PDZD8: variants seen among roughly 807,000 people sequenced by gnomAD.
PDZD8 encodes PDZ domain-containing protein 8.
PDZD8 carries 14 observed loss-of-function variants against 85.8 expected under a neutral mutation model. The observed-to-expected ratio is 0.16, with a 90% CI of 0.11 to 0.26. PDZD8 has a LOEUF of 0.26. Among genes scored for constraint, PDZD8 ranks in the 10% least tolerant of loss-of-function variants. The pLI, the probability that PDZD8 is intolerant of heterozygous loss-of-function variation, is 1.00. For synonymous variants in PDZD8, 592 were observed against 568.6 expected, an observed-to-expected ratio of 1.04 and a Z score of -0.59; for missense variants, 1,197 against 1,424.3, an observed-to-expected ratio of 0.84 and a Z score of 2.57.
intron 2 of PDZD8, among the ~76,000 whole-genome samples, chr10:117,325,187 C>T (rs760624013): frequency 1.4e-4 from 22 of 151,988 alleles, no homozygotes; most frequent in African/African-American, 3.6e-4. Flanking sequence ...ACAGCCCAGC[C>T]GGTGGTCTTA....
chr10:117,301,689 G>A (rs1341378006), intron 3 of PDZD8, among the ~76,000 whole-genome samples: 2 of 152,170 alleles, frequency 1.3e-5, no homozygotes, highest in Non-Finnish European at 2.9e-5. Context: ...ATTAGAGGCA[G>A]CAAGAAGGCT....
Position 117,290,171 on chromosome 10 carries a change from T to A in PDZD8, c.1261+15A>T. 1.2e-6 allele frequency: 2 copies of A among 1,609,538 alleles called. No individual in the cohort carries two copies. Among genetic ancestry groups the A allele is most frequent in the Non-Finnish European group, 1.7e-6 (2 of 1,177,864 alleles). ...ATCTGTAAAGGTAAAGTATAATGCATATTAGCATAATTACCTCCAATGGCG... is the reference window on the plus strand; with the variant it reads ...ATCTGTAAAGGTAAAGTATAATGCAAATTAGCATAATTACCTCCAATGGCG... On this transcript the variant is annotated intron_variant, in intron 4 of 4. Coordinates refer to ENST00000334464, the MANE Select transcript of PDZD8 (RefSeq NM_173791.5).
At chr10:117,321,033 T>C (rs1370932285) in intron 2 of PDZD8, among the ~76,000 whole-genome samples, 1 of 152,146 alleles carries the variant, frequency 6.6e-6, no homozygotes, top group Non-Finnish European at 1.5e-5. Context: ...AGAATGCTCA[T>C]ACATCGCTGA....
chr10:117,367,493 G>C (rs1208650660), intron 1 of PDZD8, among the ~76,000 whole-genome samples: 1 of 152,170 alleles, frequency 6.6e-6, no homozygotes, highest in Non-Finnish European at 1.5e-5. Context: ...CAAATTTCTA[G>C]AGCAAAGATG....
rs1565012771 is a variant in PDZD8, at chr10:117,279,655, A to G, written c.*3613T>C. Reference sequence around the variant, plus strand: ...CATTCAATGTGGAAAAAAACCAGGAAGTTATCCTTCCATCTATAAACATTG... The same window carrying G: ...CATTCAATGTGGAAAAAAACCAGGAGGTTATCCTTCCATCTATAAACATTG... On this transcript the variant is annotated 3_prime_UTR_variant, in exon 5 of 5. Transcript: ENST00000334464. 1 of 152,232 alleles carries G rather than the reference A, an allele frequency of 6.6e-6. No individual in the cohort carries two copies. The highest frequency in any genetic ancestry group is 1.5e-5 in the Non-Finnish European group (1 of 68,040). 9.4% of individuals were successfully genotyped at this position (152,232 alleles called of 1,614,324 possible).
intron 3 of PDZD8, among the ~76,000 whole-genome samples, chr10:117,299,333 G>A (rs1475180575): frequency 6.6e-6 from 1 of 152,120 alleles, no homozygotes; most frequent in Non-Finnish European, 1.5e-5. Flanking sequence ...GGTATTCTTT[G>A]AACTTCTTGT....
intron 3 of PDZD8, among the ~76,000 whole-genome samples, chr10:117,299,600 G>T (rs944605584): frequency 6.6e-6 from 1 of 152,002 alleles, no homozygotes; most frequent in Non-Finnish European, 1.5e-5. Context: ...ACTTATTGTA[G>T]TCTGTTGTTG....
chr10:117,347,275 G>C (rs1451972740), intron 1 of PDZD8, among the ~76,000 whole-genome samples: 2 of 152,100 alleles, frequency 1.3e-5, no homozygotes, highest in Non-Finnish European at 2.9e-5. Flanking sequence ...CTACCTGAAG[G>C]CTTCCTCTGT....
chr10:117,356,796 G>A (rs1844902654), intron 1 of PDZD8, among the ~76,000 whole-genome samples: 1 of 152,088 alleles, frequency 6.6e-6, no homozygotes, highest in African/African-American at 2.4e-5. Flanking sequence ...TATAAGTCCG[G>A]GGTAATTACT....
At chr10:117,298,475 G>A (rs180826661) in intron 3 of PDZD8, among the ~76,000 whole-genome samples, 44 of 152,170 alleles carry the variant, frequency 2.9e-4, no homozygotes, top group African/African-American at 1.0e-3. Flanking sequence ...TACAGGCAAG[G>A]AGGCTACTCA....
At position 117,285,316 on chromosome 10, in the gene PDZD8, A is replaced by T. The variant is rs1242174294; in HGVS notation, c.1417T>A (p.Ser473Thr). 2 of 1,613,948 alleles carry T rather than the reference A, an allele frequency of 1.2e-6. No homozygotes were observed. The highest frequency in any genetic ancestry group is 1.7e-6 in the Non-Finnish European group (2 of 1,180,020). The change falls in exon 5 of 5, where the codon TCA becomes ACA. Residue 473 changes from serine to threonine, a missense_variant. Physicochemically the swap from Ser to Thr is moderately conservative, Grantham distance 58 (BLOSUM62 1). Transcript: ENST00000334464. ...TCCTCTTCATAACCCGATTGGCATGAGCTTGACAAAAAGTTTTCTTCCAAC... is the reference window on the plus strand; with the variant it reads ...TCCTCTTCATAACCCGATTGGCATGTGCTTGACAAAAAGTTTTCTTCCAAC... Reference protein sequence around the residue: ...GQLEENFLSSSCQSGYEEEAA... With the variant: ...GQLEENFLSSTCQSGYEEEAA...
chr10:117,348,030 C>T (rs1369143565), intron 1 of PDZD8, among the ~76,000 whole-genome samples: 5 of 152,090 alleles, frequency 3.3e-5, no homozygotes, highest in South Asian at 2.1e-4. Flanking sequence ...ACTGTGGTGA[C>T]GGTTGCACAT....
At chr10:117,363,848 A>C (rs1845038952) in intron 1 of PDZD8, among the ~76,000 whole-genome samples, 1 of 152,188 alleles carries the variant, frequency 6.6e-6, no homozygotes, top group Admixed American at 6.5e-5. Flanking sequence ...TAAATACTCA[A>C]TGTGCTGATT....
intron 1 of PDZD8, among the ~76,000 whole-genome samples, chr10:117,370,251 A>G (rs1283207291): frequency 1.3e-5 from 2 of 152,344 alleles, no homozygotes; most frequent in Non-Finnish European, 2.9e-5. Flanking sequence ...ATGTTTTACA[A>G]ACATTGTAAG....
At chr10:117,368,409 A>G (rs1207361233) in intron 1 of PDZD8, among the ~76,000 whole-genome samples, 1 of 152,234 alleles carries the variant, frequency 6.6e-6, no homozygotes, top group Non-Finnish European at 1.5e-5. Flanking sequence ...TAGATTTCCT[A>G]TCAACATTAG....
intron 1 of PDZD8, among the ~76,000 whole-genome samples, chr10:117,370,662 T>C (rs563688841): frequency 9.2e-5 from 14 of 152,102 alleles, no homozygotes; most frequent in Non-Finnish European, 1.9e-4. Flanking sequence ...GCCAACATGG[T>C]GAAACCTGTC....
intron 3 of PDZD8, among the ~76,000 whole-genome samples, chr10:117,304,100 G>A (rs963407326): frequency 4.6e-5 from 7 of 152,270 alleles, no homozygotes; most frequent in Non-Finnish European, 7.4e-5. Context: ...TCAGACACTC[G>A]ATGCCAGCCC....
intron 2 of PDZD8, among the ~76,000 whole-genome samples, chr10:117,320,411 G>A (rs1035853107): frequency 2.9e-4 from 44 of 152,050 alleles, no homozygotes; most frequent in African/African-American, 4.6e-4. Context: ...CCCTGTAATC[G>A]TAAGTTATTC....
Position 117,283,989 on chromosome 10 carries a change from C to T in PDZD8, c.2744G>A (p.Gly915Asp), listed in dbSNP as rs1462981815. Residue 915 changes from glycine (G) to aspartate (D), a missense_variant, in exon 5 of 5, where the codon GGC becomes GAC. Around this residue, in one of 4 missense-constraint regions of PDZD8, gnomAD observed 418 missense variants for 571.1 expected, o/e 0.73. Coordinates refer to ENST00000334464, the MANE Select transcript of PDZD8 (RefSeq NM_173791.5). ...LRLEGQETLLGLPPRVDAEAS... is the reference protein window; with the variant it reads ...LRLEGQETLLDLPPRVDAEAS... ...TTCAGCATCAACACGAGGAGGCAGG[C>T]CTAAGAGGGTTTCCTGTCCTTCCAG... 8 of 1,614,036 alleles carry T rather than the reference C, an allele frequency of 5.0e-6. No homozygotes were observed. The highest frequency in any genetic ancestry group is 6.8e-6 in the Non-Finnish European group (8 of 1,180,028).
Sources: gnomAD v4.1 joint callset for allele counts (sites outside exome capture counted in the v4.1 genomes callset) on GRCh38, gnomAD v4.1.1 for gene constraint, gnomAD v4.1.1 regional missense constraint, MANE v1.5 for transcripts, NCBI Gene and HGNC (gene_info 2026-07-23, HGNC 2026-07-21) for gene names.